The following TNRC6A variants were observed in gnomAD, a reference collection of about 807,000 sequenced individuals.
TNRC6A encodes trinucleotide repeat-containing gene 6A protein.
In TNRC6A, 44 loss-of-function variants were observed where a neutral mutation model predicts 221.2. The observed-to-expected ratio is 0.20, with a 90% confidence interval of 0.16 to 0.26. The LOEUF (loss-of-function observed/expected upper bound fraction) is 0.26. Among genes scored for constraint, TNRC6A ranks in the 10% least tolerant of loss-of-function variants. The pLI, the probability that TNRC6A is intolerant of heterozygous loss-of-function variation, is 1.00. For synonymous variants in TNRC6A, 847 were observed against 838.5 expected (o/e 1.01, Z -0.18); for missense variants, 2,199 against 2,404.4 (o/e 0.91, Z 1.79).
In TNRC6A at chr16:24,820,164, A is replaced by G. The variant is rs150402538; in HGVS notation, c.5106A>G (p.Thr1702=). The G allele has an allele frequency of 1.2e-6, 2 of 1,614,020 alleles. No individual in the cohort carries two copies. Among genetic ancestry groups the G allele is most frequent in the Admixed American group, 1.7e-5 (1 of 60,012 alleles). The part of the protein sequence containing the change: ...TSARNSDSKL[T]WSPGSVTNTS... ...CCAGAAATAGTGATTCCAAATTGAC[A>G]TGGTCTCCTGGTTCAGTTACAAACA... Residue 1702 remains threonine, a synonymous_variant, in exon 22 of 25, where the codon ACA becomes ACG. Coordinates refer to ENST00000395799, the MANE Select transcript of TNRC6A (RefSeq NM_014494.4).
intron 5 of TNRC6A, among the ~76,000 whole-genome samples, chr16:24,786,124 T>C (rs1044007468): frequency 3.3e-5 from 5 of 152,228 alleles, no homozygotes; most frequent in African/African-American, 7.2e-5. Flanking sequence ...AAGGAAGTTA[T>C]ATGATTTCTC....
chr16:24,671,392 T>C (rs947462713), intron 2 of TNRC6A, among the ~76,000 whole-genome samples: 8 of 152,126 alleles, frequency 5.3e-5, no homozygotes, highest in African/African-American at 1.9e-4. Context: ...AGTTTGCGCA[T>C]TGACGCGGCT....
At chr16:24,667,705 A>G (rs1409337911) in intron 2 of TNRC6A, among the ~76,000 whole-genome samples, 1 of 152,210 alleles carries the variant, frequency 6.6e-6, no homozygotes, top group Non-Finnish European at 1.5e-5. Context: ...TGCACTACTA[A>G]TGATAGCTAT....
At chr16:24,796,107 T>A in intron 9 of TNRC6A, 168 bp downstream of exon 9, 1 of 618,014 alleles carries the variant, frequency 1.6e-6, no homozygotes, top group Non-Finnish European at 2.8e-6. Context: ...CACAGTCTAG[T>A]ATGGGGCATT....
intron 2 of TNRC6A, among the ~76,000 whole-genome samples, chr16:24,686,164 G>A (rs1054112398): frequency 6.6e-6 from 1 of 152,122 alleles, no homozygotes; most frequent in African/African-American, 2.4e-5. Context: ...CCATGGCAAC[G>A]CGATTTCCTG....
chr16:24,631,309 T>A (rs963191991), intron 1 of TNRC6A, among the ~76,000 whole-genome samples: 1 of 152,096 alleles, frequency 6.6e-6, no homozygotes, highest in African/African-American at 2.4e-5. Flanking sequence ...AGTTTGCCTA[T>A]CCAGTGGCCA....
At chr16:24,685,632 C>T (rs1010684414) in intron 2 of TNRC6A, among the ~76,000 whole-genome samples, 1 of 152,188 alleles carries the variant, frequency 6.6e-6, no homozygotes, top group Non-Finnish European at 1.5e-5. Flanking sequence ...AACCACCGTG[C>T]GCAGCCACAT....
At chr16:24,750,952 T>C in intron 3 of TNRC6A, 139 bp downstream of exon 3, 1 of 790,354 alleles carries the variant, frequency 1.3e-6, no homozygotes, top group East Asian at 3.1e-5. Flanking sequence ...TTAATGTCTT[T>C]GAATATGCAT....
At chr16:24,675,659 A>ACT (rs71381700) in intron 2 of TNRC6A, among the ~76,000 whole-genome samples, 585 of 37,396 alleles carry the variant, frequency 0.016, 11 homozygotes, top group Non-Finnish European at 0.019. Context: ...CCAGCCAGAG[A>ACT]CTCTCTCTCT....
intron 2 of TNRC6A, among the ~76,000 whole-genome samples, chr16:24,702,182 C>CTT (rs371770211): frequency 3.4e-5 from 4 of 119,384 alleles, no homozygotes; most frequent in African/African-American, 9.1e-5. Context: ...TTTCTTTTTT[C>CTT]TTTTTTTTTT....
chr16:24,653,438 A>G (rs56331537), intron 2 of TNRC6A, among the ~76,000 whole-genome samples: 3,677 of 152,306 alleles, frequency 0.024, 134 homozygotes, highest in African/African-American at 0.075. Context: ...AAAATACATC[A>G]GAAATACAAA....
chr16:24,651,673 A>G (rs182300520), intron 2 of TNRC6A, among the ~76,000 whole-genome samples: 2 of 151,392 alleles, frequency 1.3e-5, no homozygotes, highest in East Asian at 3.9e-4. Context: ...AGCCTGGGCA[A>G]CATAGTGAGA....
intron 2 of TNRC6A, among the ~76,000 whole-genome samples, chr16:24,690,045 A>G (rs1304221938): frequency 7.1e-6 from 1 of 140,800 alleles, no homozygotes. Context: ...TTTTTGAGAT[A>G]GGGTCTCATT....
chr16:24,616,938 A>G (rs1900386190), intron 1 of TNRC6A, among the ~76,000 whole-genome samples: 1 of 151,558 alleles, frequency 6.6e-6, no homozygotes, highest in African/African-American at 2.4e-5. Context: ...CAAAATGTGT[A>G]TTCTGCAATT....
At chr16:24,621,461 C>A (rs187746346) in intron 1 of TNRC6A, among the ~76,000 whole-genome samples, 2 of 149,174 alleles carry the variant, frequency 1.3e-5, no homozygotes, top group African/African-American at 5.0e-5. Context: ...CAGGTTCAAG[C>A]GGTTCTTGTG....
At chr16:24,696,309 C>CT (rs2055859002) in intron 2 of TNRC6A, among the ~76,000 whole-genome samples, 1 of 148,856 alleles carries the variant, frequency 6.7e-6, no homozygotes, top group Admixed American at 6.8e-5. Context: ...GATCGCGCCA[C>CT]TGCACTCCAG....
chr16:24,824,676 G>GA lies in TNRC6A; in HGVS notation c.*874dup. 6.6e-6 allele frequency: 1 copy of GA among 151,580 alleles called. No individual in the cohort carries two copies. The highest frequency in any genetic ancestry group is 1.5e-5 in the Non-Finnish European group (1 of 67,946). The allele number at this position is 151,580 out of a possible 1,614,324, so 9.4% of individuals were successfully genotyped here. ...TTTAAAAGATGCTTTCTATCTCTGG[G>GA]AAAAAGGAGCAGCATTTGGCCATGT... On this transcript the variant is annotated 3_prime_UTR_variant, in exon 25 of 25. Coordinates refer to ENST00000395799, the MANE Select transcript of TNRC6A (RefSeq NM_014494.4).
chr16:24,787,204 GA>G (rs2057992786), intron 5 of TNRC6A, among the ~76,000 whole-genome samples: 1 of 152,172 alleles, frequency 6.6e-6, no homozygotes. Context: ...ATTAACAAAA[GA>G]ACCAGGTTAA....
intron 2 of TNRC6A, among the ~76,000 whole-genome samples, chr16:24,730,892 T>TG (rs2056623085): frequency 6.6e-6 from 1 of 151,920 alleles, no homozygotes; most frequent in African/African-American, 2.4e-5. Context: ...TTTTATCAGC[T>TG]GGTAAAATAA....
Sources: gnomAD v4.1 joint callset for allele counts (sites outside exome capture counted in the v4.1 genomes callset) on GRCh38, gnomAD v4.1.1 for gene constraint, MANE v1.5 for transcripts, NCBI Gene and HGNC (gene_info 2026-07-23, HGNC 2026-07-21) for gene names.